NOTCH2: variants seen among roughly 807,000 people sequenced by gnomAD.
NOTCH2 encodes the protein notch receptor 2.
A neutral mutation model predicts 235.8 loss-of-function variants in NOTCH2; 29 were observed. The observed-to-expected ratio is 0.12, with a 90% CI of 0.09 to 0.17. The LOEUF (loss-of-function observed/expected upper bound fraction) is 0.17, where lower values mean the gene tolerates loss of function less well. Ranked by LOEUF, NOTCH2 falls within the 10% of genes least tolerant of loss-of-function variation. The pLI, the probability that NOTCH2 is intolerant of heterozygous loss-of-function variation, is 1.00. For missense variants in NOTCH2, 2,285 were observed against 3,150.2 expected (o/e 0.73, Z 6.57); for synonymous variants, 1,086 against 1,141.5 (o/e 0.95, Z 0.98).
At position 119,916,338 on chromosome 1, in the gene NOTCH2, A is replaced by G. The variant is rs761599613; in HGVS notation, c.6384T>C (p.Gly2128=). ...CACTCAGAGACTTCTTCCTCCTACT[A>G]CCCTTGGCATCCTTTGCCTCCTTGG... ...NLAKEAKDAK[G]SRRKKSLSEK... The change falls in exon 34 of 34, where the codon GGT becomes GGC. Residue 2128 remains glycine (G), a synonymous_variant. Coordinates refer to ENST00000256646, the MANE Select transcript of NOTCH2 (RefSeq NM_024408.4). 1 of 1,614,068 alleles carries G rather than the reference A, an allele frequency of 6.2e-7. No individual in the cohort carries two copies. Among genetic ancestry groups the G allele is most frequent in the South Asian group, 1.1e-5 (1 of 91,062 alleles).
chr1:120,047,674 G>A (rs1176731715), intron 1 of NOTCH2, among the ~76,000 whole-genome samples: 1 of 145,932 alleles, frequency 6.9e-6, no homozygotes, highest in Non-Finnish European at 1.5e-5. Flanking sequence ...ACAGAGTGAG[G>A]CCCTGTCTCA....
At chr1:120,014,777 C>T (rs1361079583) in intron 2 of NOTCH2, among the ~76,000 whole-genome samples, 6 of 117,880 alleles carry the variant, frequency 5.1e-5, no homozygotes, top group East Asian at 2.1e-4. Context: ...TGTTCTTTCA[C>T]GTTTCCTAAG....
intron 3 of NOTCH2, 29 bp downstream of exon 3, chr1:120,005,300 A>C (rs782175509): frequency 1.2e-6 from 2 of 1,613,868 alleles, no homozygotes; most frequent in Admixed American, 1.7e-5. Context: ...TGAAGGTAGG[A>C]AACCACTGGC....
Position 119,941,682 on chromosome 1 carries a change from G to T in NOTCH2, c.2825C>A (p.Thr942Asn). ...TFSCLCLPGFTGDKCQTDMNE... is the reference protein window; with the variant it reads ...TFSCLCLPGFNGDKCQTDMNE... ...CATGTCTGTCTGGCACTTATCCCCA[G>T]TGAAACCCGGAAGGCAGAGGCAGGA... The change falls in exon 18 of 34, where the codon ACT (threonine) becomes AAT (asparagine). Residue 942 changes from threonine to asparagine, a missense_variant. Physicochemically the swap from Thr to Asn is moderately conservative, Grantham distance 65 (BLOSUM62 0). Transcript: ENST00000256646. 1.2e-6 allele frequency: 2 copies of T among 1,614,148 alleles called. No homozygotes were observed. Among genetic ancestry groups the T allele is most frequent in the Non-Finnish European group, 1.7e-6 (2 of 1,180,024 alleles).
intron 5 of NOTCH2, among the ~76,000 whole-genome samples, chr1:119,974,776 TCCA>T (rs1651503494): frequency 6.6e-6 from 1 of 152,212 alleles, no homozygotes; most frequent in Non-Finnish European, 1.5e-5. Context: ...CTCATGATTC[TCCA>T]CCATTGCATC....
chr1:120,041,040 GCAA>G (rs1654528826), intron 1 of NOTCH2, among the ~76,000 whole-genome samples: 1 of 21,038 alleles, frequency 4.8e-5, no homozygotes, highest in African/African-American at 2.0e-4. Context: ...GACTCTGCCT[GCAA>G]AAAAAAAAAA....
intron 11 of NOTCH2, among the ~76,000 whole-genome samples, chr1:119,960,231 C>T (rs1188509664): frequency 3.3e-5 from 5 of 152,020 alleles, no homozygotes; most frequent in African/African-American, 1.2e-4. Flanking sequence ...AAAACTTAAG[C>T]TTTCAAATCA....
At chr1:119,948,324 G>A (rs587678818) in intron 17 of NOTCH2, 90 bp downstream of exon 17, 70 of 1,427,106 alleles carry the variant, frequency 4.9e-5, no homozygotes, top group Non-Finnish European at 6.4e-5. Context: ...AATGTCAGGC[G>A]TGAAAGGCGG....
At position 119,917,761 on chromosome 1, in the gene NOTCH2, T is replaced by C; in HGVS notation, c.5931A>G (p.Gly1977=). The C allele has an allele frequency of 6.3e-7, 1 of 1,599,274 alleles. No individual in the cohort carries two copies. The highest frequency in any genetic ancestry group is 8.6e-7 in the Non-Finnish European group (1 of 1,166,590). ...CAGCTGCCCAGTGAAGAGCAGATTT[T>C]CCTGCAGGGGAGAAACATTTTTATA... ...QADVNAVDDH[G]KSALHWAAAV... is the part of the protein sequence containing the mutation. Residue 1977 remains glycine (G), a splice_region_variant and synonymous_variant, in exon 33 of 34, where the codon GGA becomes GGG. Coordinates refer to ENST00000256646, the MANE Select transcript of NOTCH2 (RefSeq NM_024408.4).
intron 9 of NOTCH2, 85 bp from the exon 10 acceptor site, chr1:119,965,651 G>T: frequency 1.1e-6 from 1 of 951,250 alleles, no homozygotes; most frequent in Non-Finnish European, 1.7e-6. Context: ...TTACTAGCAG[G>T]GCTTATACCA....
rs1357050349 is a variant in NOTCH2 at position 119,911,926 on chromosome 1, A to C, written c.*3380T>G. 4.3e-6 allele frequency: 1 copy of C among 233,100 alleles called. No individual in the cohort carries two copies. The highest frequency in any genetic ancestry group is 8.5e-6 in the Non-Finnish European group (1 of 118,036). 14.4% of individuals were successfully genotyped at this position (233,100 alleles called of 1,614,324 possible). On this transcript the variant is annotated 3_prime_UTR_variant, in exon 34 of 34. Transcript: ENST00000256646. Reference sequence around the variant, plus strand: ...GATCTAATTAAAGGAAGAAAAAAAGAAGTTTGGTGCTAGGCTTTGTGGGAT... The same window carrying C: ...GATCTAATTAAAGGAAGAAAAAAAGCAGTTTGGTGCTAGGCTTTGTGGGAT...
At chr1:119,916,763 C>A in intron 33 of NOTCH2, 69 bp from the exon 34 acceptor site, 2 of 1,480,740 alleles carry the variant, frequency 1.4e-6, no homozygotes, top group East Asian at 2.3e-5. Context: ...TTTTCTCAAT[C>A]TTTTTTATTA....
intron 30 of NOTCH2, 126 bp downstream of exon 30, chr1:119,920,103 C>T (rs186787877): frequency 3.5e-4 from 356 of 1,003,104 alleles, no homozygotes; most frequent in Non-Finnish European, 1.8e-4. Context: ...TTCATTTCCT[C>T]GAGCTGATTT....
intron 5 of NOTCH2, among the ~76,000 whole-genome samples, chr1:119,970,296 G>C (rs933984373): frequency 1.3e-5 from 2 of 152,126 alleles, no homozygotes; most frequent in Non-Finnish European, 2.9e-5. Context: ...AAAACTACAA[G>C]TATCTGAAAA....
chr1:119,916,762 T>A (rs1649092777), intron 33 of NOTCH2, 68 bp from the exon 34 acceptor site: 1 of 1,479,028 alleles, frequency 6.8e-7, no homozygotes, highest in East Asian at 2.3e-5. Flanking sequence ...TTTTTCTCAA[T>A]CTTTTTTATT....
At chr1:119,996,905 T>C in intron 4 of NOTCH2, 92 bp downstream of exon 4, 8 of 1,495,952 alleles carry the variant, frequency 5.3e-6, no homozygotes, top group Non-Finnish European at 7.4e-6. Flanking sequence ...CCTTTTTCCT[T>C]GGGCTTCCTA....
Position 120,024,797 on chromosome 1 carries a change from G to C in NOTCH2, c.155+5109C>G, listed in dbSNP as rs112630198. ...CACTACGTTAGATATTTACCAAGTG[G>C]TATGTATGAAATTCTGAAAGGCCCC... On this transcript the variant is annotated intron_variant, in intron 2 of 33. Transcript: ENST00000256646. Among the ~76,000 whole-genome samples, 346 of 152,202 alleles carry C rather than the reference G, an allele frequency of 2.3e-3. 1 individual carries two copies. Among genetic ancestry groups the C allele is most frequent in the Non-Finnish European group, 3.9e-3 (267 of 68,024 alleles).
rs587756767 is a variant in NOTCH2 at position 119,943,611 on chromosome 1, A to T, written c.2753-1857T>A. Among the ~76,000 whole-genome samples the T allele has an allele frequency of 3.9e-5, 6 of 152,342 alleles. No homozygotes were observed. In the East Asian group the frequency reaches 7.7e-4, roughly 20 times the overall value. ...AAGCTCAAAAATGTTTTTTTAAAAAAGATTTTTAAAAAAATTCAGCATGGA... is the reference window on the plus strand; with the variant it reads ...AAGCTCAAAAATGTTTTTTTAAAAATGATTTTTAAAAAAATTCAGCATGGA... On this transcript the variant is annotated intron_variant, in intron 17 of 33. Coordinates refer to ENST00000256646, the MANE Select transcript of NOTCH2 (RefSeq NM_024408.4).
Position 120,069,425 on chromosome 1 carries a change from C to A in NOTCH2, c.-19G>T. On this transcript the variant is annotated 5_prime_UTR_variant, in exon 1 of 34. In the 5' UTR this introduces an upstream ATG that the reference lacks. Transcript: ENST00000256646. Reference sequence around the variant, plus strand: ...CGGGCATCTTCTCGGTCGCCTCCTCCTCCGCCGCCGCCGCCGCCGCCTGGG... The same window carrying A: ...CGGGCATCTTCTCGGTCGCCTCCTCATCCGCCGCCGCCGCCGCCGCCTGGG... 6.5e-7 allele frequency: 1 copy of A among 1,537,394 alleles called. No individual in the cohort carries two copies. Among genetic ancestry groups the A allele is most frequent in the Admixed American group, 1.9e-5 (1 of 51,704 alleles).
Sources: gnomAD v4.1 joint callset for allele counts (sites outside exome capture counted in the v4.1 genomes callset) on GRCh38, gnomAD v4.1.1 for gene constraint, MANE v1.5 for transcripts, NCBI Gene and HGNC (gene_info 2026-07-23, HGNC 2026-07-21) for gene names.